GPR153: variants seen among roughly 807,000 people sequenced by gnomAD.
GPR153 encodes G protein-coupled receptor 153, also known as probable G protein-coupled receptor 153.
In GPR153, 27 loss-of-function variants were observed where a neutral mutation model predicts 34.1. The observed-to-expected ratio is 0.79, with a 90% confidence interval of 0.58 to 1.09. The LOEUF (loss-of-function observed/expected upper bound fraction) is 1.09, where lower values mean the gene tolerates loss of function less well. GPR153 is among the 50% of genes least tolerant of loss of function. The pLI, the probability that GPR153 is intolerant of heterozygous loss-of-function variation, is 0.00. For missense variants in GPR153, 848 were observed against 860.2 expected (o/e 0.99, Z 0.18); for synonymous variants, 408 against 405.4 (o/e 1.01, Z -0.08).
rs1638413735 is a variant in GPR153 at position 6,250,336 on chromosome 1, G to A, written c.1164+104C>T. 5 of 1,457,482 alleles carry A rather than the reference G, an allele frequency of 3.4e-6. No homozygotes were observed. The East Asian group carries it at 1.0e-4, about 29-fold the overall frequency. The allele number at this position is 1,457,482 out of a possible 1,614,324, so 90.3% of individuals were successfully genotyped here. On this transcript the variant is annotated intron_variant, in intron 5 of 5. Coordinates refer to ENST00000377893, the MANE Select transcript of GPR153 (RefSeq NM_207370.4). ...TCCTCGGATGGTGACAGCCACCCCT[G>A]CGACTGCAGAAGGCGTGAGATGGGC...
chr1:6,249,401 A>C lies in GPR153; in HGVS notation c.1767T>G (p.Ser589Arg). 3 of 1,379,570 alleles carry C rather than the reference A, an allele frequency of 2.2e-6. No homozygotes were observed. The highest frequency in any genetic ancestry group is 2.8e-6 in the Non-Finnish European group (3 of 1,072,252). 85.5% of individuals were successfully genotyped at this position (1,379,570 alleles called of 1,614,324 possible). Residue 589 changes from serine to arginine, a missense_variant, in exon 6 of 6, where the codon AGT becomes AGG. Coordinates refer to ENST00000377893, the MANE Select transcript of GPR153 (RefSeq NM_207370.4). This position sits in a 1 kb window ranked among gnomAD's most constrained non-coding sequence, Gnocchi z 4.3. ...CGTAGCCCGAGGACTCGGAGGGGGA[A>C]CTCAGGAAGCTGCTGGTGCTGCCGC... ...GGGGSTSSFL[S>R]SPSESSGYAT... is the part of the protein sequence containing the mutation.
Position 6,251,610 on chromosome 1 carries a change from T to C in GPR153, c.787-80A>G. On this transcript the variant is annotated intron_variant, in intron 3 of 5. Coordinates refer to ENST00000377893, the MANE Select transcript of GPR153 (RefSeq NM_207370.4). This position sits in a 1 kb window ranked among gnomAD's most constrained non-coding sequence, Gnocchi z 4.9. ...CTCCCCCTGAGTCTCGGTCTCCCCA[T>C]GTGTACGGCAGGTCTGACAGGTGGG... 1 of 1,411,268 alleles carries C rather than the reference T, an allele frequency of 7.1e-7. No homozygotes were observed. Among genetic ancestry groups the C allele is most frequent in the Non-Finnish European group, 9.4e-7 (1 of 1,063,834 alleles). 87.4% of individuals were successfully genotyped at this position (1,411,268 alleles called of 1,614,324 possible). A position where few individuals can be genotyped will look rare whatever the true frequency, so the allele number is the denominator to read the frequency against.
rs1638528398 is a variant in GPR153 at position 6,254,770 on chromosome 1, G to A, written c.136C>T (p.Leu46=). 1 of 1,613,702 alleles carries A rather than the reference G, an allele frequency of 6.2e-7. No homozygotes were observed. Among genetic ancestry groups the A allele is most frequent in the Admixed American group, 1.7e-5 (1 of 60,000 alleles). Residue 46 remains leucine (L), a synonymous_variant, in exon 2 of 6, where the codon CTG becomes TTG. Transcript: ENST00000377893. ...QKKWKPLEFL[L]CTLAATHMLN... is the part of the protein sequence containing the mutation. ...ATGTGGGTGGCCGCGAGTGTACACA[G>A]CAGGAACTCCAAGGGCTTCCACTTC... is the stretch of plus-strand genomic sequence containing the variant.
intron 1 of GPR153, among the ~76,000 whole-genome samples, chr1:6,259,667 A>G (rs1638630681): frequency 6.6e-6 from 1 of 152,042 alleles, no homozygotes; most frequent in Non-Finnish European, 1.5e-5. Flanking sequence ...TGGGCACTGT[A>G]GTCTTGGCAT....
In GPR153 at chr1:6,254,583, C is replaced by T. The variant is rs1471356056; in HGVS notation, c.323G>A (p.Arg108His). Residue 108 changes from arginine (R) to histidine (H), a missense_variant, in exon 2 of 6, where the codon CGC becomes CAC. Physicochemically the swap from Arg to His is conservative, Grantham distance 29. Transcript: ENST00000377893. ...GACAGGCCAGCAGACCATCCACATG[C>T]GGTGGTAGGAGAGGGAGGTGACAGA... ...CFSVTSLSYH[R>H]MWMVCWPVNY... The T allele has an allele frequency of 6.3e-6, 10 of 1,594,140 alleles. No individual in the cohort carries two copies. The highest frequency in any genetic ancestry group is 4.0e-5 in the African/African-American group (3 of 74,670).
intron 1 of GPR153, among the ~76,000 whole-genome samples, chr1:6,257,822 C>G (rs1019577248): frequency 6.6e-6 from 1 of 152,378 alleles, no homozygotes; most frequent in South Asian, 2.1e-4. Context: ...CCCTTCCCAG[C>G]CTGGCAGCCC....
intron 1 of GPR153, among the ~76,000 whole-genome samples, chr1:6,260,233 C>G (rs896726274): frequency 6.6e-6 from 1 of 152,128 alleles, no homozygotes; most frequent in African/African-American, 2.4e-5. Flanking sequence ...CCACGCCGGT[C>G]TCCGCCCGCG....
At chr1:6,250,305 A>T in intron 5 of GPR153, 135 bp downstream of exon 5, 1 of 1,444,710 alleles carries the variant, frequency 6.9e-7, no homozygotes, top group Non-Finnish European at 9.1e-7. Flanking sequence ...ACCTTTGGAC[A>T]GCCCGTCCTC....
intron 1 of GPR153, among the ~76,000 whole-genome samples, chr1:6,258,933 T>C (rs573592998): frequency 6.6e-6 from 1 of 152,336 alleles, no homozygotes; most frequent in African/African-American, 2.4e-5. Context: ...CTTCCTCTCG[T>C]CTAGCCTAAT....
At chr1:6,259,540 TC>T (rs1638627674) in intron 1 of GPR153, among the ~76,000 whole-genome samples, 1 of 149,646 alleles carries the variant, frequency 6.7e-6, no homozygotes, top group Admixed American at 6.7e-5. Flanking sequence ...TTTCTGAGCC[TC>T]AGGTCTGCAG....
Position 6,250,013 on chromosome 1 carries a change from C to G in GPR153, c.1165-10G>C. ...GCCGCGTGGGCGGGACCTGTCAGGACGCGGCTGGCTTTTACCCCGAGCTGC... is the reference window on the plus strand; with the variant it reads ...GCCGCGTGGGCGGGACCTGTCAGGAGGCGGCTGGCTTTTACCCCGAGCTGC... On this transcript the variant is annotated splice_polypyrimidine_tract_variant and intron_variant, in intron 5 of 5. Transcript: ENST00000377893. The G allele has an allele frequency of 8.0e-7, 1 of 1,256,846 alleles. No individual in the cohort carries two copies. 77.9% of individuals were successfully genotyped at this position (1,256,846 alleles called of 1,614,324 possible). A position where few individuals can be genotyped will look rare whatever the true frequency, so the allele number is the denominator to read the frequency against.
At chr1:6,259,135 C>G (rs542522402) in intron 1 of GPR153, among the ~76,000 whole-genome samples, 40 of 152,306 alleles carry the variant, frequency 2.6e-4, no homozygotes, top group African/African-American at 9.1e-4. Context: ...GTGGTGTGAG[C>G]CTATAGTCCC....
intron 3 of GPR153, 23 bp downstream of exon 3, chr1:6,253,695 C>T: frequency 6.6e-7 from 1 of 1,514,530 alleles, no homozygotes. Context: ...AGACAGGCCC[C>T]TCTACCCGAC....
In GPR153 at chr1:6,250,004, C is replaced by T. The variant is rs897854312; in HGVS notation, c.1165-1G>A. 16 of 1,257,504 alleles carry T rather than the reference C, an allele frequency of 1.3e-5. No homozygotes were observed. The highest frequency in any genetic ancestry group is 1.6e-5 in the African/African-American group (1 of 64,452). The allele number at this position is 1,257,504 out of a possible 1,614,324, so 77.9% of individuals were successfully genotyped here. ...GGGAGAAGCGCCGCGTGGGCGGGAC[C>T]TGTCAGGACGCGGCTGGCTTTTACC... On this transcript the variant is annotated splice_acceptor_variant, in intron 5 of 5. Transcript: ENST00000377893. LOFTEE classifies it high-confidence loss of function.
chr1:6,253,934 G>A lies in GPR153; in HGVS notation c.570C>T (p.Cys190=), dbSNP rs558938814. Residue 190 remains cysteine (C), a synonymous_variant, in exon 3 of 6, where the codon TGC becomes TGT. Transcript: ENST00000377893. ...VGGSVAMGVI[C]TAIALFQTLA... is the part of the protein sequence containing the mutation. ...GCGTCTGGAAGAGGGCGATGGCTGT[G>A]CAGATCACGCCCATGGCCACGCTGC... is the stretch of plus-strand genomic sequence containing the variant. 7 of 1,611,582 alleles carry A rather than the reference G, an allele frequency of 4.3e-6. No individual in the cohort carries two copies. In the African/African-American group the frequency reaches 8.0e-5, roughly 18 times the overall value.
At chr1:6,255,645 T>A in intron 1 of GPR153, among the ~76,000 whole-genome samples, 1 of 111,250 alleles carries the variant, frequency 9.0e-6, no homozygotes, top group Admixed American at 8.7e-5. Flanking sequence ...TGGCTACGTT[T>A]TTTTTTTTTT....
chr1:6,252,923 G>C (rs1638480754), intron 3 of GPR153, among the ~76,000 whole-genome samples: 1 of 152,134 alleles, frequency 6.6e-6, no homozygotes, highest in African/African-American at 2.4e-5. Flanking sequence ...GCCTTCCCCA[G>C]CCGTTAGTAT....
rs1324767709 is a variant in GPR153, at chr1:6,249,300, C to T, written c.*38G>A. The T allele has an allele frequency of 8.1e-7, 1 of 1,239,594 alleles. No homozygotes were observed. Among genetic ancestry groups the T allele is most frequent in the Non-Finnish European group, 1.0e-6 (1 of 989,846 alleles). The allele number at this position is 1,239,594 out of a possible 1,614,324, so 76.8% of individuals were successfully genotyped here. A position where few individuals can be genotyped will look rare whatever the true frequency, so the allele number is the denominator to read the frequency against. ...TGGTGCTGCGGCCCCGGAGAGCGGC[C>T]TGGCCTGCCTGGCGTCCGTGGGGAG... On this transcript the variant is annotated 3_prime_UTR_variant, in exon 6 of 6. Coordinates refer to ENST00000377893, the MANE Select transcript of GPR153 (RefSeq NM_207370.4). This position sits in a 1 kb window ranked among gnomAD's most constrained non-coding sequence, Gnocchi z 4.3.
At chr1:6,258,900 C>G (rs1270898641) in intron 1 of GPR153, among the ~76,000 whole-genome samples, 1 of 152,212 alleles carries the variant, frequency 6.6e-6, no homozygotes, top group East Asian at 1.9e-4. Context: ...CTGCAACCAG[C>G]CCAGCCCTTC....
Sources: gnomAD v4.1 joint callset for allele counts (sites outside exome capture counted in the v4.1 genomes callset) on GRCh38, gnomAD v4.1.1 for gene constraint, Gnocchi (gnomAD v3.1) non-coding constraint, MANE v1.5 for transcripts, NCBI Gene and HGNC (gene_info 2026-07-23, HGNC 2026-07-21) for gene names.